ADH4: variants seen among roughly 807,000 people sequenced by gnomAD.
ADH4 encodes the protein alcohol dehydrogenase 4 (class II), pi polypeptide, also known as all-trans-retinol dehydrogenase [NAD(+)] ADH4.
ADH4 carries 31 observed loss-of-function variants against 35.2 expected under a neutral mutation model. The ratio of observed to expected loss-of-function variants is 0.88; its 90% CI spans 0.66 to 1.19. The LOEUF is 1.19. Among genes scored for constraint, ADH4 ranks in the 50% most tolerant of loss-of-function variants. ADH4 has a pLI of 0.00. For missense variants in ADH4, 476 were observed against 458.3 expected (o/e 1.04, Z -0.35); for synonymous variants, 171 against 160.2 (o/e 1.07, Z -0.51).
intron 3 of ADH4, among the ~76,000 whole-genome samples, chr4:99,140,154 G>A (rs535838450): frequency 3.3e-5 from 5 of 152,118 alleles, no homozygotes; most frequent in South Asian, 2.1e-4. Context: ...TTCAGCTAAC[G>A]TTGACATATA....
chr4:99,143,816 G>A (rs563457673), intron 1 of ADH4, among the ~76,000 whole-genome samples: 3 of 152,040 alleles, frequency 2.0e-5, no homozygotes, highest in East Asian at 1.9e-4. Context: ...CAGATTCTTC[G>A]AGTATCCCCA....
At chr4:99,141,476 A>G (rs1175928741) in intron 3 of ADH4, 65 bp downstream of exon 3, 1 of 1,487,070 alleles carries the variant, frequency 6.7e-7, no homozygotes, top group African/African-American at 1.4e-5. Flanking sequence ...CCAAGCCAGG[A>G]CTCTATCAAT....
intron 6 of ADH4, among the ~76,000 whole-genome samples, chr4:99,128,649 T>C (rs1209641079): frequency 1.3e-5 from 2 of 152,104 alleles, no homozygotes; most frequent in African/African-American, 4.8e-5. Context: ...AATTAAAAAA[T>C]TATGATATAG....
chr4:99,139,370 A>G (rs1393382299), intron 3 of ADH4, among the ~76,000 whole-genome samples: 1 of 152,188 alleles, frequency 6.6e-6, no homozygotes, highest in Non-Finnish European at 1.5e-5. Flanking sequence ...GTCCAGCAAC[A>G]AATCTATGTT....
chr4:99,142,862 G>GA (rs1394661401), intron 1 of ADH4, 82 bp from the exon 2 acceptor site: 3 of 857,968 alleles, frequency 3.5e-6, no homozygotes, highest in Non-Finnish European at 5.3e-6. Flanking sequence ...GAGATCATGA[G>GA]AAAAAATTAG....
chr4:99,144,047 A>T (rs1052049646), intron 1 of ADH4, 158 bp downstream of exon 1: 2 of 741,222 alleles, frequency 2.7e-6, no homozygotes, highest in Non-Finnish European at 4.4e-6. Flanking sequence ...TCCACAGTTA[A>T]TTTCCCTAGA....
At chr4:99,144,159 A>T in intron 1 of ADH4, 46 bp downstream of exon 1, 2 of 1,608,774 alleles carry the variant, frequency 1.2e-6, no homozygotes, top group Non-Finnish European at 1.7e-6. Context: ...ACATACAAGG[A>T]CACAGAAAAG....
At chr4:99,136,057 G>C (rs1387828493) in intron 5 of ADH4, among the ~76,000 whole-genome samples, 1 of 152,162 alleles carries the variant, frequency 6.6e-6, no homozygotes, top group Non-Finnish European at 1.5e-5. Context: ...ACAGGGAGAA[G>C]ACAGGGGTGG....
intron 6 of ADH4, among the ~76,000 whole-genome samples, chr4:99,130,735 A>G (rs2110494273): frequency 6.6e-6 from 1 of 152,302 alleles, no homozygotes; most frequent in East Asian, 1.9e-4. Flanking sequence ...CTCCCAGCAC[A>G]CAAGAATATC....
At chr4:99,140,731 G>C (rs1438886271) in intron 3 of ADH4, among the ~76,000 whole-genome samples, 4 of 150,870 alleles carry the variant, frequency 2.7e-5, no homozygotes, top group Admixed American at 6.6e-5. Context: ...GCCGGGTGTG[G>C]TGGCACATGC....
chr4:99,142,083 G>A lies in ADH4; in HGVS notation c.121-401C>T, dbSNP rs149167444. 6.6e-5 allele frequency among the ~76,000 whole-genome samples: 10 copies of A among 152,282 alleles called. No individual in the cohort carries two copies. The East Asian group carries it at 1.9e-3, about 29-fold the overall frequency. ...TACCTATATTCTTCTTTAAGGTTCTGTCAGTGAGAATGTCCCATTCACTCT... is the reference window on the plus strand; with the variant it reads ...TACCTATATTCTTCTTTAAGGTTCTATCAGTGAGAATGTCCCATTCACTCT... On this transcript the variant is annotated intron_variant, in intron 2 of 8. Coordinates refer to ENST00000265512, the MANE Select transcript of ADH4 (RefSeq NM_000670.5).
At position 99,144,210 on chromosome 4, in the gene ADH4, C is replaced by T. The variant is rs1378668329; in HGVS notation, c.13G>A (p.Gly5Ser). Residue 5 changes from glycine (G) to serine (S), a missense_variant, in exon 1 of 9, where the codon GGC becomes AGC. Coordinates refer to ENST00000265512, the MANE Select transcript of ADH4 (RefSeq NM_000670.5). The part of the protein sequence containing the change: MGTK[G>S]KVIKCKAAIA... ...GATACAGCTTACTTGCTTACTTTGCCCTTGGTGCCCATTTTTCTTTGGGAA... is the reference window on the plus strand; with the variant it reads ...GATACAGCTTACTTGCTTACTTTGCTCTTGGTGCCCATTTTTCTTTGGGAA... The T allele has an allele frequency of 6.2e-6, 10 of 1,613,676 alleles. No individual in the cohort carries two copies. Among genetic ancestry groups the T allele is most frequent in the South Asian group, 3.3e-5 (3 of 91,074 alleles).
intron 8 of ADH4, 142 bp downstream of exon 8, chr4:99,126,452 C>G (rs1260879697): frequency 1.4e-6 from 1 of 716,434 alleles, no homozygotes; most frequent in African/African-American, 1.8e-5. Context: ...GAAATGACCA[C>G]TATTTAATCT....
intron 5 of ADH4, among the ~76,000 whole-genome samples, chr4:99,135,096 G>C (rs983609356): frequency 1.3e-5 from 2 of 152,108 alleles, no homozygotes; most frequent in African/African-American, 4.8e-5. Flanking sequence ...TAGTACAATA[G>C]GACAAAAAAA....
chr4:99,130,436 G>A (rs1410321536), intron 6 of ADH4, among the ~76,000 whole-genome samples: 1 of 152,180 alleles, frequency 6.6e-6, no homozygotes, highest in Non-Finnish European at 1.5e-5. Flanking sequence ...GTGCTGGTAA[G>A]CTACAGGGTG....
At chr4:99,132,543 AC>A (rs1729317914) in intron 5 of ADH4, among the ~76,000 whole-genome samples, 1 of 152,076 alleles carries the variant, frequency 6.6e-6, no homozygotes, top group African/African-American at 2.4e-5. Context: ...TCTTTAAAAG[AC>A]CGTAAATTTT....
chr4:99,142,128 TG>T (rs1304594901), intron 2 of ADH4, among the ~76,000 whole-genome samples: 1 of 152,164 alleles, frequency 6.6e-6, no homozygotes, highest in Non-Finnish European at 1.5e-5. Flanking sequence ...ACTCTTAATG[TG>T]GGGGTCCTCA....
chr4:99,129,843 T>C (rs1729219225), intron 6 of ADH4, among the ~76,000 whole-genome samples: 1 of 152,212 alleles, frequency 6.6e-6, no homozygotes, highest in African/African-American at 2.4e-5. Context: ...AGAAAATTTC[T>C]CATGCAGTTA....
chr4:99,127,197 A>G lies in ADH4; in HGVS notation c.979+12T>C, dbSNP rs1729124161. ...AAAAGAATTTAAAGCTATGAAGAAAAAAAAAACTGACCACCAAAGAATGTT... is the reference window on the plus strand; with the variant it reads ...AAAAGAATTTAAAGCTATGAAGAAAGAAAAAACTGACCACCAAAGAATGTT... On this transcript the variant is annotated intron_variant, in intron 7 of 8. Coordinates refer to ENST00000265512, the MANE Select transcript of ADH4 (RefSeq NM_000670.5). 6.3e-7 allele frequency: 1 copy of G among 1,585,662 alleles called. No individual in the cohort carries two copies. Among genetic ancestry groups the G allele is most frequent in the Non-Finnish European group, 8.5e-7 (1 of 1,170,552 alleles).
Sources: allele counts gnomAD v4.1 joint callset (sites outside exome capture counted in the v4.1 genomes callset), GRCh38; gene constraint gnomAD v4.1.1; transcripts MANE v1.5; gene names NCBI Gene and HGNC (gene_info 2026-07-23, HGNC 2026-07-21).